CDRT4: variants seen among roughly 807,000 people sequenced by gnomAD.
CDRT4 encodes CMT1A duplicated region transcript 4 protein.
For synonymous variants in CDRT4, 64 were observed against 69.6 expected (o/e 0.92, Z 0.40); for missense variants, 167 against 193.1 (o/e 0.87, Z 0.80).
At chr17:15,446,511 C>CT (rs1162224635) in intron 2 of CDRT4, among the ~76,000 whole-genome samples, 3 of 152,144 alleles carry the variant, frequency 2.0e-5, no homozygotes, top group African/African-American at 7.2e-5. Context: ...CTCCCTCTCC[C>CT]TATGCAATAA....
At chr17:15,452,316 T>C (rs1424999350) in intron 2 of CDRT4, among the ~76,000 whole-genome samples, 4 of 152,220 alleles carry the variant, frequency 2.6e-5, no homozygotes, top group South Asian at 2.1e-4. Context: ...ATTGTGAAGA[T>C]TGAGTGCAGC....
intron 2 of CDRT4, among the ~76,000 whole-genome samples, chr17:15,440,725 G>A (rs965889727): frequency 6.6e-6 from 1 of 152,222 alleles, no homozygotes; most frequent in Non-Finnish European, 1.5e-5. Context: ...ATGACAGAAG[G>A]TAGCAGAGAT....
chr17:15,456,563 T>TACACACACACACACACAC lies in CDRT4; in HGVS notation c.-129-3496_-129-3479dup, dbSNP rs3029212. Among the ~76,000 whole-genome samples, 40 of 145,718 alleles carry TACACACACACACACACAC rather than the reference T, an allele frequency of 2.7e-4. 1 individual carries two copies. Among genetic ancestry groups the TACACACACACACACACAC allele is most frequent in the African/African-American group, 8.4e-4 (33 of 39,166 alleles). On this transcript the variant is annotated intron_variant, in intron 1 of 3. Coordinates refer to ENST00000619038, the MANE Select transcript of CDRT4 (RefSeq NM_001204477.2). Reference sequence around the variant, plus strand: ...AGGAAGATTGCCGCTAATCTTCCTTTACACACACACACACACACACACACA... The same window carrying TACACACACACACACACAC: ...AGGAAGATTGCCGCTAATCTTCCTTTACACACACACACACACACACACACACACACACACACACACACA...
intron 2 of CDRT4, among the ~76,000 whole-genome samples, chr17:15,448,598 A>C (rs1268551159): frequency 6.6e-6 from 1 of 152,218 alleles, no homozygotes; most frequent in African/African-American, 2.4e-5. Flanking sequence ...TCAGGTCATC[A>C]TCAGGAGACG....
rs573894599 is a variant in CDRT4, at chr17:15,455,244, T to G, written c.-129-2159A>C. Among the ~76,000 whole-genome samples the G allele has an allele frequency of 5.9e-5, 9 of 152,214 alleles. No individual in the cohort carries two copies. The South Asian group carries it at 1.7e-3, about 28-fold the overall frequency. On this transcript the variant is annotated intron_variant, in intron 1 of 3. Coordinates refer to ENST00000619038, the MANE Select transcript of CDRT4 (RefSeq NM_001204477.2). The stretch of plus-strand genomic sequence containing the variant: ...AATTAATAGCTTAGAAACTCAGAAT[T>G]TTTTGCCCCTGAGAAGTCTCTAGAT...
chr17:15,448,506 T>C (rs1979125874), intron 2 of CDRT4, among the ~76,000 whole-genome samples: 1 of 152,068 alleles, frequency 6.6e-6, no homozygotes, highest in African/African-American at 2.4e-5. Flanking sequence ...AAGCTGAGGG[T>C]AAGAAGCTGA....
At chr17:15,458,208 G>A (rs1400501135) in intron 1 of CDRT4, among the ~76,000 whole-genome samples, 4 of 152,146 alleles carry the variant, frequency 2.6e-5, no homozygotes, top group Non-Finnish European at 5.9e-5. Context: ...TGTTTCCTCT[G>A]GCTCTGGAGG....
At chr17:15,439,248 T>G in intron 3 of CDRT4, 1 of 437,960 alleles carries the variant, frequency 2.3e-6, no homozygotes, top group Non-Finnish European at 4.5e-6. Context: ...AAGAGTCATC[T>G]TGCCATCTCC....
At chr17:15,439,079 T>C (rs1486112718) in intron 3 of CDRT4, 1 of 455,630 alleles carries the variant, frequency 2.2e-6, no homozygotes, top group East Asian at 7.0e-5. Flanking sequence ...TGTCAGTCCT[T>C]CCCATCTTTC....
chr17:15,466,431 CT>C lies in CDRT4; in HGVS notation c.-130+1028del, dbSNP rs1273273968. Among the ~76,000 whole-genome samples, 4 of 138,472 alleles carry C rather than the reference CT, an allele frequency of 2.9e-5. No individual in the cohort carries two copies. The East Asian group carries it at 8.7e-4, about 30-fold the overall frequency. 90.8% of individuals were successfully genotyped at this position (138,472 alleles called of 152,430 possible). On this transcript the variant is annotated intron_variant, in intron 1 of 3. Transcript: ENST00000619038. Reference sequence around the variant, plus strand: ...CTCTTCTGTTCTCTTCTCCCCACCCCTATCTACACCAAGGTGCATTCATGGA... The same window carrying C: ...CTCTTCTGTTCTCTTCTCCCCACCCCATCTACACCAAGGTGCATTCATGGA...
rs2096915728 is a variant in CDRT4 at position 15,443,539 on chromosome 17, T to C, written c.-47-3254A>G. 8 of 212,954 alleles carry C rather than the reference T, an allele frequency of 3.8e-5. No homozygotes were observed. The South Asian group carries it at 5.7e-4, about 15-fold the overall frequency. 13.2% of individuals were successfully genotyped at this position (212,954 alleles called of 1,614,324 possible). A position where few individuals can be genotyped will look rare whatever the true frequency, so the allele number is the denominator to read the frequency against. ...CCCAAGCGATCCTCCCACCTCTGCG[T>C]CCCAAAGTGCCGGGATTATAGGTGT... On this transcript the variant is annotated intron_variant, in intron 2 of 3. Coordinates refer to ENST00000619038, the MANE Select transcript of CDRT4 (RefSeq NM_001204477.2).
intron 1 of CDRT4, among the ~76,000 whole-genome samples, chr17:15,462,263 C>G (rs1486353047): frequency 6.6e-6 from 1 of 151,784 alleles, no homozygotes; most frequent in African/African-American, 2.4e-5. Context: ...CCAGTCTCTA[C>G]TAAAAATACA....
At chr17:15,460,700 G>A (rs75025901) in intron 1 of CDRT4, among the ~76,000 whole-genome samples, 3,046 of 152,074 alleles carry the variant, frequency 0.02, 97 homozygotes, top group African/African-American at 0.068. Flanking sequence ...AATCTGTTTT[G>A]TCCACACAGC....
chr17:15,465,018 G>C (rs1597472725), intron 1 of CDRT4, among the ~76,000 whole-genome samples: 1 of 129,988 alleles, frequency 7.7e-6, no homozygotes. Context: ...ACACAACACA[G>C]ACACACACCA....
rs922932135 is a variant in CDRT4, at chr17:15,442,589, C to G, written c.-47-2304G>C. Among the ~76,000 whole-genome samples the G allele has an allele frequency of 4.6e-5, 7 of 152,294 alleles. No homozygotes were observed. In the South Asian group the frequency reaches 1.5e-3, roughly 32 times the overall value. On this transcript the variant is annotated intron_variant, in intron 2 of 3. Coordinates refer to ENST00000619038, the MANE Select transcript of CDRT4 (RefSeq NM_001204477.2). ...CCCTGAAGCCTCAGGAAAGCCCAGT[C>G]TTACAAACATTTGTTTCCAGACTTG...
At chr17:15,443,446 ATTTT>A (rs34178494) in intron 2 of CDRT4, among the ~76,000 whole-genome samples, 4 of 125,380 alleles carry the variant, frequency 3.2e-5, no homozygotes, top group Non-Finnish European at 6.7e-5. Context: ...TAGCTGGATA[ATTTT>A]TTTTTTTTTT....
chr17:15,463,103 G>A (rs1013401145), intron 1 of CDRT4, among the ~76,000 whole-genome samples: 5 of 152,172 alleles, frequency 3.3e-5, no homozygotes, highest in African/African-American at 7.2e-5. Flanking sequence ...CTATGCATGC[G>A]TGTGTGGGTG....
chr17:15,459,569 T>C (rs754910713), intron 1 of CDRT4, among the ~76,000 whole-genome samples: 11 of 150,996 alleles, frequency 7.3e-5, no homozygotes, highest in Middle Eastern at 3.4e-3. Context: ...CTCAGCCTCC[T>C]GAGTAGCTGG....
intron 1 of CDRT4, among the ~76,000 whole-genome samples, chr17:15,454,976 T>C (rs780741923): frequency 2.0e-5 from 3 of 152,154 alleles, no homozygotes; most frequent in Non-Finnish European, 2.9e-5. Context: ...CCCTGAACTA[T>C]TGGTATACAT....
Sources: allele counts gnomAD v4.1 joint callset (sites outside exome capture counted in the v4.1 genomes callset), GRCh38; gene constraint gnomAD v4.1.1; transcripts MANE v1.5; gene names NCBI Gene and HGNC (gene_info 2026-07-23, HGNC 2026-07-21).